Variants in SNTB1 observed in about 807,000 individuals in gnomAD.
SNTB1 encodes the protein beta-1-syntrophin.
A neutral mutation model predicts 48.9 loss-of-function variants in SNTB1; 36 were observed. The ratio of observed to expected loss-of-function variants is 0.74; its 90% confidence interval spans 0.56 to 0.97. The LOEUF (loss-of-function observed/expected upper bound fraction) is 0.97, where lower values mean the gene tolerates loss of function less well. SNTB1 is among the 50% of genes least tolerant of loss of function. The pLI, the probability that SNTB1 is intolerant of heterozygous loss-of-function variation, is 0.00. For synonymous variants in SNTB1, 299 were observed against 294.6 expected (o/e 1.01, Z -0.15); for missense variants, 786 against 703.4 (o/e 1.12, Z -1.33).
intron 2 of SNTB1, among the ~76,000 whole-genome samples, chr8:120,645,474 A>G (rs190841885): frequency 0.022 from 3,403 of 151,782 alleles, 116 homozygotes; most frequent in African/African-American, 0.079. Flanking sequence ...AGATAGTTGT[A>G]GACATGCGGC....
intron 1 of SNTB1, among the ~76,000 whole-genome samples, chr8:120,726,379 A>C (rs191424541): frequency 2.0e-5 from 3 of 152,234 alleles, no homozygotes; most frequent in Non-Finnish European, 4.4e-5. Context: ...CCACAAAAGA[A>C]CCGCCTATTT....
chr8:120,720,386 T>C (rs1698001587), intron 1 of SNTB1, among the ~76,000 whole-genome samples: 1 of 152,236 alleles, frequency 6.6e-6, no homozygotes, highest in Non-Finnish European at 1.5e-5. Context: ...TCCTCCTGAC[T>C]CTCTGGCCCT....
intron 1 of SNTB1, among the ~76,000 whole-genome samples, chr8:120,794,739 G>T (rs1222892669): frequency 3.9e-5 from 6 of 151,944 alleles, no homozygotes; most frequent in Non-Finnish European, 7.4e-5. Flanking sequence ...CCATTTCTTA[G>T]TTGCTGCTCT....
chr8:120,560,539 A>G (rs2130666643), intron 4 of SNTB1, among the ~76,000 whole-genome samples: 1 of 152,346 alleles, frequency 6.6e-6, no homozygotes, highest in South Asian at 2.1e-4. Context: ...TGAATATGGT[A>G]GTGAAAGGCA....
rs191192313 is a variant in SNTB1 at position 120,657,406 on chromosome 8, C to T, written c.789-24755G>A. ...TAGGCCAACTTTGATTAAATGGTAGCGGTTGCCTGAAATGATGTCTTGAAA... is the reference window on the plus strand; with the variant it reads ...TAGGCCAACTTTGATTAAATGGTAGTGGTTGCCTGAAATGATGTCTTGAAA... On this transcript the variant is annotated intron_variant, in intron 2 of 6. Transcript: ENST00000517992. 3.7e-3 allele frequency among the ~76,000 whole-genome samples: 565 copies of T among 152,232 alleles called. 3 individuals are homozygous for T. Among genetic ancestry groups the T allele is most frequent in the African/African-American group, 0.012 (495 of 41,556 alleles).
intron 1 of SNTB1, among the ~76,000 whole-genome samples, chr8:120,700,705 A>C (rs4871098): frequency 0.48 from 73,250 of 152,096 alleles, 23,117 homozygotes; most frequent in African/African-American, 0.87. Flanking sequence ...TCAGTAAAGT[A>C]CAAATTTGCT....
intron 1 of SNTB1, among the ~76,000 whole-genome samples, chr8:120,747,232 C>A (rs1221319546): frequency 1.3e-5 from 2 of 152,108 alleles, no homozygotes; most frequent in Non-Finnish European, 2.9e-5. Context: ...GAGTTGAAGG[C>A]CATTATCCTT....
At chr8:120,549,362 G>A (rs1360728075) in intron 4 of SNTB1, among the ~76,000 whole-genome samples, 1 of 152,162 alleles carries the variant, frequency 6.6e-6, no homozygotes, top group Non-Finnish European at 1.5e-5. Context: ...ACTCCCCTGT[G>A]TCTCTTGTAG....
intron 3 of SNTB1, among the ~76,000 whole-genome samples, chr8:120,627,462 T>C (rs1227188055): frequency 6.6e-6 from 1 of 152,162 alleles, no homozygotes; most frequent in Non-Finnish European, 1.5e-5. Context: ...AGGATTACTC[T>C]GTGGAAGATA....
In SNTB1 at chr8:120,568,029, C is replaced by T. The variant is rs949304747; in HGVS notation, c.1136+7057G>A. 8.5e-5 allele frequency among the ~76,000 whole-genome samples: 13 copies of T among 152,054 alleles called. No individual in the cohort carries two copies. In the South Asian group the frequency reaches 2.1e-3, roughly 24 times the overall value. On this transcript the variant is annotated intron_variant, in intron 4 of 6. Coordinates refer to ENST00000517992, the MANE Select transcript of SNTB1 (RefSeq NM_021021.4). ...CTGTATATGGCTGTATAGAATGCAT[C>T]GGAAGTAAATGAAAGAGTCACTTGT...
chr8:120,717,908 C>A (rs956646316), intron 1 of SNTB1, among the ~76,000 whole-genome samples: 1 of 152,188 alleles, frequency 6.6e-6, no homozygotes, highest in African/African-American at 2.4e-5. Flanking sequence ...CACGGACAGG[C>A]TTGAGATGGA....
At position 120,720,276 on chromosome 8, in the gene SNTB1, GA is replaced by G. The variant is rs1177863076; in HGVS notation, c.572-26369del. On this transcript the variant is annotated intron_variant, in intron 1 of 6. Transcript: ENST00000517992. Reference sequence around the variant, plus strand: ...CCAGCTCCCTCCTTGGCCCCTGTCTGAAGGCCCAGTATCCTCCCTGTTCTCA... The same window carrying G: ...CCAGCTCCCTCCTTGGCCCCTGTCTGAGGCCCAGTATCCTCCCTGTTCTCA... 3.9e-5 allele frequency among the ~76,000 whole-genome samples: 6 copies of G among 152,360 alleles called. No individual in the cohort carries two copies. The South Asian group carries it at 8.3e-4, about 21-fold the overall frequency.
At chr8:120,674,803 A>T (rs965879939) in intron 2 of SNTB1, among the ~76,000 whole-genome samples, 1 of 152,218 alleles carries the variant, frequency 6.6e-6, no homozygotes. Context: ...AAAAGAGAAC[A>T]AAGTGTTTTC....
At chr8:120,638,514 T>C (rs1368344873) in intron 2 of SNTB1, among the ~76,000 whole-genome samples, 2 of 152,266 alleles carry the variant, frequency 1.3e-5, no homozygotes, top group Middle Eastern at 3.4e-3. Context: ...CATTAACTCA[T>C]CATTTACATT....
intron 3 of SNTB1, among the ~76,000 whole-genome samples, chr8:120,602,522 C>A (rs1816436325): frequency 6.6e-6 from 1 of 152,190 alleles, no homozygotes; most frequent in Non-Finnish European, 1.5e-5. Flanking sequence ...TCTTTGGACT[C>A]AAGACTTTAA....
chr8:120,632,884 CA>C (rs1817007723), intron 2 of SNTB1, among the ~76,000 whole-genome samples: 1 of 152,192 alleles, frequency 6.6e-6, no homozygotes, highest in Non-Finnish European at 1.5e-5. Flanking sequence ...GTGCAACCAC[CA>C]AATCACCTAA....
intron 1 of SNTB1, among the ~76,000 whole-genome samples, chr8:120,782,796 T>A (rs1214320229): frequency 6.6e-6 from 1 of 152,192 alleles, no homozygotes; most frequent in Admixed American, 6.5e-5. Context: ...TCTGAGCACC[T>A]CAAACTGGGA....
chr8:120,677,285 G>T (rs2129805557), intron 2 of SNTB1, among the ~76,000 whole-genome samples: 1 of 152,162 alleles, frequency 6.6e-6, no homozygotes, highest in African/African-American at 2.4e-5. Flanking sequence ...TAAATTTATT[G>T]GAATATTTCT....
chr8:120,547,548 C>T (rs187793633), intron 5 of SNTB1, among the ~76,000 whole-genome samples: 2 of 142,514 alleles, frequency 1.4e-5, no homozygotes, highest in East Asian at 2.1e-4. Flanking sequence ...AGTGAGATCA[C>T]GCTATTGTAC....
Sources: gnomAD v4.1 joint callset for allele counts (sites outside exome capture counted in the v4.1 genomes callset) on GRCh38, gnomAD v4.1.1 for gene constraint, MANE v1.5 for transcripts, NCBI Gene and HGNC (gene_info 2026-07-23, HGNC 2026-07-21) for gene names.